The following TEC variants were observed in gnomAD, a reference collection of about 807,000 sequenced individuals.
TEC encodes the protein tyrosine-protein kinase Tec.
TEC carries 72 observed loss-of-function variants against 93.0 expected under a neutral mutation model. The observed-to-expected ratio is 0.77, with a 90% CI of 0.64 to 0.94. TEC has a LOEUF of 0.94. TEC is among the 40% of genes least tolerant of loss of function. TEC has a pLI of 0.00. For synonymous variants in TEC, 249 were observed against 247.7 expected (o/e 1.01, Z -0.05); for missense variants, 630 against 757.9 (o/e 0.83, Z 1.98).
chr4:48,252,249 A>T (rs528957488), intron 1 of TEC, among the ~76,000 whole-genome samples: 1 of 152,336 alleles, frequency 6.6e-6, no homozygotes, highest in Non-Finnish European at 1.5e-5. Flanking sequence ...TGGCACATGG[A>T]TTATAGTAAT....
chr4:48,253,572 C>CT (rs34702593), intron 1 of TEC, among the ~76,000 whole-genome samples: 68,999 of 131,822 alleles, frequency 0.52, 18,524 homozygotes, highest in Non-Finnish European at 0.56. Context: ...ATGTCCAATT[C>CT]TTTTTTTTTT....
chr4:48,137,954 T>C (rs559512959), intron 17 of TEC, among the ~76,000 whole-genome samples: 4 of 152,300 alleles, frequency 2.6e-5, no homozygotes, highest in Non-Finnish European at 5.9e-5. Context: ...CACCACTTCC[T>C]GCCCAGAATG....
intron 2 of TEC, among the ~76,000 whole-genome samples, chr4:48,202,913 T>C (rs1722580508): frequency 6.6e-6 from 1 of 152,188 alleles, no homozygotes; most frequent in South Asian, 2.1e-4. Flanking sequence ...GGCCATTACA[T>C]TAAAGTAAGC....
At chr4:48,193,156 T>C (rs1374332459) in intron 2 of TEC, among the ~76,000 whole-genome samples, 2 of 112,882 alleles carry the variant, frequency 1.8e-5, no homozygotes, top group African/African-American at 7.1e-5. Flanking sequence ...TTTTCCTTTT[T>C]TTCTGATTTT....
intron 1 of TEC, among the ~76,000 whole-genome samples, chr4:48,240,632 T>C (rs1469484459): frequency 6.6e-6 from 1 of 152,176 alleles, no homozygotes; most frequent in Non-Finnish European, 1.5e-5. Flanking sequence ...GTCCTTTCCA[T>C]TTCCCTGTTC....
intron 2 of TEC, among the ~76,000 whole-genome samples, chr4:48,199,618 C>T (rs1023368930): frequency 1.3e-5 from 2 of 151,662 alleles, no homozygotes; most frequent in Non-Finnish European, 2.9e-5. Context: ...AGGCACGCAC[C>T]ACCACACCTG....
chr4:48,247,346 A>G (rs1487832594), intron 1 of TEC, among the ~76,000 whole-genome samples: 1 of 152,230 alleles, frequency 6.6e-6, no homozygotes, highest in Non-Finnish European at 1.5e-5. Context: ...CTCAAAAGTT[A>G]AACATAGAAT....
intron 1 of TEC, among the ~76,000 whole-genome samples, 161 bp downstream of exon 1, chr4:48,269,591 C>T (rs1250949494): frequency 6.6e-6 from 1 of 152,262 alleles, no homozygotes; most frequent in Non-Finnish European, 1.5e-5. Flanking sequence ...CCAGAGACGG[C>T]GCACCCGCGC....
At chr4:48,223,002 A>G (rs1450417558) in intron 2 of TEC, among the ~76,000 whole-genome samples, 2 of 152,216 alleles carry the variant, frequency 1.3e-5, no homozygotes. Context: ...ACCCTGACCA[A>G]TACAACAGGA....
At chr4:48,205,948 C>A (rs1238002286) in intron 2 of TEC, among the ~76,000 whole-genome samples, 2 of 152,132 alleles carry the variant, frequency 1.3e-5, no homozygotes, top group African/African-American at 4.8e-5. Flanking sequence ...TATCCACCAA[C>A]AGATGAATGA....
intron 1 of TEC, among the ~76,000 whole-genome samples, chr4:48,236,597 A>G (rs1292330532): frequency 6.6e-6 from 1 of 152,174 alleles, no homozygotes; most frequent in Non-Finnish European, 1.5e-5. Flanking sequence ...CATCTTTTTT[A>G]AATAAAACTC....
At chr4:48,251,738 T>G (rs1370480549) in intron 1 of TEC, among the ~76,000 whole-genome samples, 1 of 152,162 alleles carries the variant, frequency 6.6e-6, no homozygotes, top group Admixed American at 6.6e-5. Context: ...CAGCCTTTAT[T>G]ATAAAAAGAA....
intron 2 of TEC, among the ~76,000 whole-genome samples, chr4:48,222,482 T>C (rs1723299304): frequency 6.6e-6 from 1 of 152,002 alleles, no homozygotes; most frequent in Admixed American, 6.6e-5. Flanking sequence ...CTTAATTTTA[T>C]GTGTCAACTT....
chr4:48,210,360 C>T (rs1311174385), intron 2 of TEC, among the ~76,000 whole-genome samples: 1 of 151,990 alleles, frequency 6.6e-6, no homozygotes, highest in Admixed American at 6.6e-5. Context: ...GTGGCACGTG[C>T]CTGTCATCCT....
chr4:48,193,126 G>A (rs1411192303), intron 2 of TEC, among the ~76,000 whole-genome samples: 1 of 151,342 alleles, frequency 6.6e-6, no homozygotes, highest in Non-Finnish European at 1.5e-5. Context: ...ACAATATCCA[G>A]TTGTAGCCAC....
In TEC at chr4:48,215,084, C is replaced by T. The variant is rs532611595; in HGVS notation, c.138+13393G>A. On this transcript the variant is annotated intron_variant, in intron 2 of 17. Transcript: ENST00000381501. ...AGGAGAATCGCTTGAACCCGGGAGG[C>T]GGAGGTTGCAGTAAGCCAAGATCAT... Among the ~76,000 whole-genome samples the T allele has an allele frequency of 4.6e-5, 7 of 151,526 alleles. No homozygotes were observed. In the East Asian group the frequency reaches 7.8e-4, roughly 17 times the overall value.
At chr4:48,201,342 C>T (rs1722500775) in intron 2 of TEC, among the ~76,000 whole-genome samples, 1 of 152,122 alleles carries the variant, frequency 6.6e-6, no homozygotes, top group Non-Finnish European at 1.5e-5. Flanking sequence ...GAATAGATAT[C>T]AGGCTGGGAA....
chr4:48,245,807 T>C (rs895852231), intron 1 of TEC, among the ~76,000 whole-genome samples: 1 of 152,110 alleles, frequency 6.6e-6, no homozygotes, highest in African/African-American at 2.4e-5. Flanking sequence ...GCTGAAGAGC[T>C]ACATTAAAAA....
chr4:48,215,740 A>G (rs1723056632), intron 2 of TEC, among the ~76,000 whole-genome samples: 1 of 152,196 alleles, frequency 6.6e-6, no homozygotes, highest in African/African-American at 2.4e-5. Context: ...AATAGTCACT[A>G]GATGGTATCC....
Sources: gnomAD v4.1 joint callset for allele counts (sites outside exome capture counted in the v4.1 genomes callset) on GRCh38, gnomAD v4.1.1 for gene constraint, MANE v1.5 for transcripts, NCBI Gene and HGNC (gene_info 2026-07-23, HGNC 2026-07-21) for gene names.